RPTOR: variants seen among roughly 807,000 people sequenced by gnomAD.
The protein encoded by RPTOR is regulatory associated protein of MTOR complex 1.
A neutral mutation model predicts 169.9 loss-of-function variants in RPTOR; 21 were observed. The ratio of observed to expected loss-of-function variants is 0.12; its 90% CI spans 0.09 to 0.18. RPTOR has a LOEUF of 0.18. Ranked by LOEUF, RPTOR falls within the 10% of genes least tolerant of loss-of-function variation. The pLI, the probability that RPTOR is intolerant of heterozygous loss-of-function variation, is 1.00. For synonymous variants in RPTOR, 732 were observed against 753.2 expected (o/e 0.97, Z 0.46); for missense variants, 1,133 against 1,855.9 (o/e 0.61, Z 7.16).
At chr17:80,657,959 A>G (rs1368048611) in intron 3 of RPTOR, among the ~76,000 whole-genome samples, 2 of 152,218 alleles carry the variant, frequency 1.3e-5, no homozygotes, top group African/African-American at 4.8e-5. Context: ...CAGAGAATAC[A>G]TAAGCTACAT....
At chr17:80,570,839 A>G (rs934801636) in intron 1 of RPTOR, among the ~76,000 whole-genome samples, 5 of 152,170 alleles carry the variant, frequency 3.3e-5, no homozygotes, top group Non-Finnish European at 5.9e-5. Context: ...TATCCCCCCC[A>G]GTGGAGTTTC....
intron 4 of RPTOR, among the ~76,000 whole-genome samples, chr17:80,720,213 G>T (rs768967940): frequency 6.6e-6 from 1 of 151,944 alleles, no homozygotes; most frequent in Non-Finnish European, 1.5e-5. Context: ...CAGGAGAATC[G>T]CTTGAACTGG....
chr17:80,587,787 G>C (rs1288755919), intron 1 of RPTOR, among the ~76,000 whole-genome samples: 2 of 136,648 alleles, frequency 1.5e-5, no homozygotes. Context: ...TTTTTTTTTT[G>C]GTGGTGAGAC....
At chr17:80,888,934 G>A (rs1224402915) in intron 17 of RPTOR, among the ~76,000 whole-genome samples, 1 of 152,236 alleles carries the variant, frequency 6.6e-6, no homozygotes, top group African/African-American at 2.4e-5. Flanking sequence ...GAGGCCCAGT[G>A]CAGGGGCTGT....
chr17:80,822,378 G>C, intron 8 of RPTOR, 77 bp downstream of exon 8: 2 of 1,396,322 alleles, frequency 1.4e-6, no homozygotes, highest in Middle Eastern at 3.5e-4. Context: ...GACATGAGAG[G>C]AGTCAGATAG....
chr17:80,855,115 T>C (rs1181115192), intron 11 of RPTOR, among the ~76,000 whole-genome samples: 1 of 152,228 alleles, frequency 6.6e-6, no homozygotes, highest in Non-Finnish European at 1.5e-5. Flanking sequence ...ACATATTATC[T>C]AGTTCAAGAT....
At chr17:80,850,402 T>C (rs1475139572) in intron 11 of RPTOR, among the ~76,000 whole-genome samples, 2 of 152,260 alleles carry the variant, frequency 1.3e-5, no homozygotes, top group Admixed American at 1.3e-4. Flanking sequence ...ATTCTTTTTC[T>C]GGCTGAGTAG....
chr17:80,675,779 T>G (rs1277017250), intron 3 of RPTOR, among the ~76,000 whole-genome samples: 1 of 152,222 alleles, frequency 6.6e-6, no homozygotes, highest in Non-Finnish European at 1.5e-5. Context: ...AACGTGCCCC[T>G]GCCTGCTTGT....
intron 29 of RPTOR, among the ~76,000 whole-genome samples, chr17:80,958,201 C>A (rs1330451773): frequency 2.5e-5 from 1 of 39,594 alleles, no homozygotes; most frequent in Non-Finnish European, 5.9e-5. Flanking sequence ...CACCTCACCC[C>A]CCCCCCCCAC....
At chr17:80,551,080 G>A (rs113775231) in intron 1 of RPTOR, among the ~76,000 whole-genome samples, 4 of 151,978 alleles carry the variant, frequency 2.6e-5, no homozygotes, top group Admixed American at 1.3e-4. Context: ...GTAGAGATGC[G>A]GTTTCACCAT....
intron 5 of RPTOR, among the ~76,000 whole-genome samples, chr17:80,731,027 C>T (rs964313558): frequency 2.6e-5 from 4 of 152,120 alleles, no homozygotes; most frequent in African/African-American, 4.8e-5. Flanking sequence ...GTGCACGCCA[C>T]GCCACCATGC....
In RPTOR at chr17:80,936,481, A is replaced by C. The variant is rs990436533; in HGVS notation, c.2920-4015A>C. On this transcript the variant is annotated intron_variant, in intron 24 of 33. Transcript: ENST00000306801. This position sits in a 1 kb window ranked among gnomAD's most constrained non-coding sequence, Gnocchi z 4.1. The stretch of plus-strand genomic sequence containing the variant: ...CTTCACCTCGTAAAGAGAGAAGCTG[A>C]TACAACCATACAATGAAAGACTCAT... Among the ~76,000 whole-genome samples, 1 of 152,236 alleles carries C rather than the reference A, an allele frequency of 6.6e-6. No individual in the cohort carries two copies.
chr17:80,937,259 T>C (rs2068966398), intron 24 of RPTOR, among the ~76,000 whole-genome samples: 1 of 152,124 alleles, frequency 6.6e-6, no homozygotes, highest in South Asian at 2.1e-4. Context: ...TTTCTCAATC[T>C]TGATAGTCAT....
chr17:80,945,171 T>G (rs1237878624), intron 25 of RPTOR, among the ~76,000 whole-genome samples: 4 of 151,736 alleles, frequency 2.6e-5, no homozygotes, highest in Admixed American at 2.6e-4. Flanking sequence ...GGTGCGCGCC[T>G]ATGTCCCCAG....
At chr17:80,615,654 G>A (rs948887374) in intron 1 of RPTOR, among the ~76,000 whole-genome samples, 1 of 151,982 alleles carries the variant, frequency 6.6e-6, no homozygotes, top group Non-Finnish European at 1.5e-5. Context: ...TATTCTCTTT[G>A]AAATTGAGAT....
chr17:80,733,191 C>A (rs2066406402), intron 5 of RPTOR, among the ~76,000 whole-genome samples: 1 of 152,146 alleles, frequency 6.6e-6, no homozygotes, highest in Admixed American at 6.5e-5. Flanking sequence ...ACGACTTCAT[C>A]AAAGCACAGA....
chr17:80,681,883 CTCCTG>C (rs1022563515), intron 3 of RPTOR, among the ~76,000 whole-genome samples: 1 of 151,760 alleles, frequency 6.6e-6, no homozygotes, highest in Non-Finnish European at 1.5e-5. Context: ...GTTACAATCT[CTCCTG>C]TCATGAACAC....
intron 1 of RPTOR, among the ~76,000 whole-genome samples, chr17:80,606,146 G>A (rs1360364347): frequency 6.6e-6 from 1 of 152,004 alleles, no homozygotes; most frequent in Non-Finnish European, 1.5e-5. Context: ...CAAGTAGCTG[G>A]GACTACAGGA....
At chr17:80,911,834 C>A (rs886207097) in intron 21 of RPTOR, among the ~76,000 whole-genome samples, 7 of 152,048 alleles carry the variant, frequency 4.6e-5, no homozygotes, top group Non-Finnish European at 8.8e-5. Context: ...TGGTCTGAGA[C>A]CAAGAAGGGG....
Sources: gnomAD v4.1 joint callset for allele counts (sites outside exome capture counted in the v4.1 genomes callset) on GRCh38, gnomAD v4.1.1 for gene constraint, Gnocchi (gnomAD v3.1) non-coding constraint, MANE v1.5 for transcripts, NCBI Gene and HGNC (gene_info 2026-07-23, HGNC 2026-07-21) for gene names.